Variants in MARCHF3 observed in about 807,000 individuals in gnomAD.
MARCHF3 encodes the protein E3 ubiquitin-protein ligase MARCHF3.
In MARCHF3, 13 loss-of-function variants were observed where a neutral mutation model predicts 24.2. The observed-to-expected ratio is 0.54, with a 90% CI of 0.35 to 0.85. The LOEUF (loss-of-function observed/expected upper bound fraction) is 0.85, where lower values mean the gene tolerates loss of function less well. Ranked by LOEUF, MARCHF3 falls within the 40% of genes least tolerant of loss-of-function variation. MARCHF3 has a pLI of 0.01. For missense variants in MARCHF3, 276 were observed against 325.0 expected (o/e 0.85, Z 1.16); for synonymous variants, 144 against 137.3 (o/e 1.05, Z -0.34).
chr5:127,001,236 T>TAAAAA (rs79852023), intron 1 of MARCHF3, among the ~76,000 whole-genome samples: 1 of 140,124 alleles, frequency 7.1e-6, no homozygotes. Flanking sequence ...AGACTTCGTC[T>TAAAAA]AAAAAAAAAA....
chr5:127,011,745 C>T (rs1490605479), intron 1 of MARCHF3, among the ~76,000 whole-genome samples: 1 of 152,100 alleles, frequency 6.6e-6, no homozygotes, highest in Middle Eastern at 3.2e-3. Context: ...TTGGTTATTC[C>T]TTGTTAACAA....
intron 3 of MARCHF3, among the ~76,000 whole-genome samples, chr5:126,886,258 C>T (rs1489576893): frequency 2.0e-5 from 3 of 152,158 alleles, no homozygotes; most frequent in Admixed American, 6.5e-5. Context: ...TATTTGAAAC[C>T]TCCAGCCTGA....
intron 3 of MARCHF3, among the ~76,000 whole-genome samples, chr5:126,912,326 A>C (rs951409032): frequency 6.6e-6 from 1 of 152,198 alleles, no homozygotes; most frequent in Non-Finnish European, 1.5e-5. Context: ...AGTAATTCCA[A>C]CCAATGTTAG....
chr5:127,003,823 A>T (rs1251174764), intron 1 of MARCHF3, among the ~76,000 whole-genome samples: 1 of 152,242 alleles, frequency 6.6e-6, no homozygotes, highest in Non-Finnish European at 1.5e-5. Flanking sequence ...TGTCGTACAC[A>T]GTTGTGCACA....
chr5:126,944,917 C>G (rs1486044632), intron 1 of MARCHF3, among the ~76,000 whole-genome samples: 1 of 152,148 alleles, frequency 6.6e-6, no homozygotes, highest in Non-Finnish European at 1.5e-5. Context: ...TTATCCTTGC[C>G]TCTCCCATTC....
chr5:126,894,773 T>C (rs1215313615), intron 3 of MARCHF3, among the ~76,000 whole-genome samples: 1 of 152,076 alleles, frequency 6.6e-6, no homozygotes, highest in Non-Finnish European at 1.5e-5. Flanking sequence ...GTGGTGAATC[T>C]GACAATTATG....
intron 1 of MARCHF3, among the ~76,000 whole-genome samples, chr5:126,931,570 TACACACACACACACACACACAC>T (rs57567399): frequency 4.2e-5 from 6 of 142,780 alleles, no homozygotes; most frequent in Non-Finnish European, 7.7e-5. Context: ...CATACATGAA[TACACACACACACACACACACAC>T]ACACACACAC....
chr5:127,009,194 C>G (rs1028759121), intron 1 of MARCHF3, among the ~76,000 whole-genome samples: 1 of 152,254 alleles, frequency 6.6e-6, no homozygotes, highest in African/African-American at 2.4e-5. Context: ...TAAGCATTCT[C>G]GTAACCAGAA....
intron 1 of MARCHF3, among the ~76,000 whole-genome samples, chr5:127,027,490 T>G (rs1262789028): frequency 6.6e-6 from 1 of 152,170 alleles, no homozygotes; most frequent in African/African-American, 2.4e-5. Flanking sequence ...GAATTAGGAC[T>G]GGCAAAGTCA....
At chr5:126,943,571 AG>A (rs1749905157) in intron 1 of MARCHF3, among the ~76,000 whole-genome samples, 2 of 151,560 alleles carry the variant, frequency 1.3e-5, no homozygotes, top group South Asian at 2.1e-4. Context: ...TGACAGAAAA[AG>A]ATCTCATCTC....
intron 2 of MARCHF3, among the ~76,000 whole-genome samples, chr5:126,916,698 C>G (rs907460379): frequency 1.0e-4 from 12 of 115,622 alleles, no homozygotes; most frequent in Non-Finnish European, 2.0e-4. Flanking sequence ...GACAGACACA[C>G]ACACACACAC....
At chr5:126,943,057 G>A (rs774537022) in intron 1 of MARCHF3, among the ~76,000 whole-genome samples, 9 of 152,292 alleles carry the variant, frequency 5.9e-5, no homozygotes, top group Middle Eastern at 3.4e-3. Flanking sequence ...AGGCCAAGGC[G>A]GGTGGATCAG....
Position 126,980,220 on chromosome 5 carries a change from T to A in MARCHF3, c.-57+50130A>T, listed in dbSNP as rs563188797. 2.6e-5 allele frequency among the ~76,000 whole-genome samples: 4 copies of A among 152,214 alleles called. No homozygotes were observed. The South Asian group carries it at 8.3e-4, about 32-fold the overall frequency. On this transcript the variant is annotated intron_variant, in intron 1 of 4. Coordinates refer to ENST00000308660, the MANE Select transcript of MARCHF3 (RefSeq NM_178450.5). Reference sequence around the variant, plus strand: ...AAGTGACAAGTGGGCTGGGTGTGAATGTGAACTGGGGCAGCCATGTGGGAG... The same window carrying A: ...AAGTGACAAGTGGGCTGGGTGTGAAAGTGAACTGGGGCAGCCATGTGGGAG...
intron 1 of MARCHF3, among the ~76,000 whole-genome samples, chr5:126,949,300 C>G (rs1750135013): frequency 6.6e-6 from 1 of 152,152 alleles, no homozygotes; most frequent in Admixed American, 6.5e-5. Flanking sequence ...TCATAACACA[C>G]AGATCATTTA....
chr5:126,889,166 T>C (rs1753593615), intron 3 of MARCHF3, among the ~76,000 whole-genome samples: 1 of 152,132 alleles, frequency 6.6e-6, no homozygotes. Flanking sequence ...TGGTGTCTAA[T>C]GACCACTCCG....
At chr5:126,873,728 T>C (rs1753049944) in intron 4 of MARCHF3, among the ~76,000 whole-genome samples, 1 of 152,264 alleles carries the variant, frequency 6.6e-6, no homozygotes, top group Non-Finnish European at 1.5e-5. Flanking sequence ...GAGATCTTAT[T>C]ATACATTAAT....
At chr5:127,007,754 C>T (rs1752355074) in intron 1 of MARCHF3, among the ~76,000 whole-genome samples, 2 of 152,128 alleles carry the variant, frequency 1.3e-5, no homozygotes, top group South Asian at 4.1e-4. Flanking sequence ...CATCTTCAAT[C>T]ACATTTTGTT....
chr5:127,030,102 C>G (rs1753131781), intron 1 of MARCHF3: 1 of 152,100 alleles, frequency 6.6e-6, no homozygotes, highest in Admixed American at 6.5e-5. Flanking sequence ...CCGGCCCCAC[C>G]TACCCATGTC....
At chr5:126,928,562 C>G (rs1456059516) in intron 1 of MARCHF3, among the ~76,000 whole-genome samples, 5 of 151,830 alleles carry the variant, frequency 3.3e-5, no homozygotes, top group Non-Finnish European at 7.4e-5. Context: ...GGCCATGGAC[C>G]CCCCACTATT....
Sources: gnomAD v4.1 joint callset for allele counts (sites outside exome capture counted in the v4.1 genomes callset) on GRCh38, gnomAD v4.1.1 for gene constraint, MANE v1.5 for transcripts, NCBI Gene and HGNC (gene_info 2026-07-23, HGNC 2026-07-21) for gene names.